The following RSU1 variants were observed in gnomAD, a reference collection of about 807,000 sequenced individuals.
RSU1 encodes the protein Ras suppressor protein 1.
A neutral mutation model predicts 31.1 loss-of-function variants in RSU1; 26 were observed. That is an observed-to-expected ratio of 0.84 (90% CI 0.61 to 1.16). RSU1 has a LOEUF of 1.16. Among genes scored for constraint, RSU1 ranks in the 50% most tolerant of loss-of-function variants. The pLI is 0.00. For missense variants in RSU1, 320 were observed against 339.1 expected, an observed-to-expected ratio of 0.94 and a Z score of 0.44; for synonymous variants, 164 against 136.3, an observed-to-expected ratio of 1.20 and a Z score of -1.41.
intron 2 of RSU1, among the ~76,000 whole-genome samples, chr10:16,809,178 A>G (rs891555169): frequency 2.0e-5 from 3 of 152,192 alleles, no homozygotes; most frequent in Non-Finnish European, 4.4e-5. Flanking sequence ...TAAGCATCAC[A>G]CGCTGATGGA....
chr10:16,815,619 T>G (rs560500076), intron 2 of RSU1, among the ~76,000 whole-genome samples: 1 of 152,156 alleles, frequency 6.6e-6, no homozygotes, highest in East Asian at 1.9e-4. Flanking sequence ...AATGCAAGCA[T>G]GAATATTGCA....
At chr10:16,679,761 C>T (rs923694794) in intron 8 of RSU1, among the ~76,000 whole-genome samples, 1 of 152,030 alleles carries the variant, frequency 6.6e-6, no homozygotes, top group African/African-American at 2.4e-5. Flanking sequence ...TCCCACGTGG[C>T]CCACCATCAC....
intron 8 of RSU1, among the ~76,000 whole-genome samples, chr10:16,692,510 A>G (rs755740076): frequency 3.9e-5 from 6 of 152,190 alleles, no homozygotes; most frequent in Non-Finnish European, 8.8e-5. Context: ...ATTTTTCTGT[A>G]TACTATCATA....
At chr10:16,799,473 G>A (rs1393608825) in intron 2 of RSU1, among the ~76,000 whole-genome samples, 2 of 152,010 alleles carry the variant, frequency 1.3e-5, no homozygotes, top group African/African-American at 4.8e-5. Context: ...CGAATTGCCA[G>A]AGACTGAGTG....
At chr10:16,730,125 C>G (rs72771308) in intron 7 of RSU1, among the ~76,000 whole-genome samples, 2 of 151,954 alleles carry the variant, frequency 1.3e-5, no homozygotes, top group African/African-American at 2.4e-5. Context: ...GAGGGCAAGA[C>G]GGAAGGGAGG....
intron 8 of RSU1, among the ~76,000 whole-genome samples, chr10:16,662,988 A>AAC (rs1554764616): frequency 0.014 from 2,194 of 151,860 alleles, 58 homozygotes; most frequent in African/African-American, 0.05. Context: ...AAAAAAAAAA[A>AAC]ACCCTCTAAG....
At chr10:16,677,689 A>C (rs1588709827) in intron 8 of RSU1, among the ~76,000 whole-genome samples, 1 of 152,210 alleles carries the variant, frequency 6.6e-6, no homozygotes, top group African/African-American at 2.4e-5. Context: ...TGTCTCAACT[A>C]AACTTAGAAA....
At chr10:16,762,918 G>A (rs1264767899) in intron 4 of RSU1, among the ~76,000 whole-genome samples, 2 of 151,698 alleles carry the variant, frequency 1.3e-5, no homozygotes, top group Non-Finnish European at 1.5e-5. Flanking sequence ...GACGCTGAGG[G>A]AGGAGAATCG....
intron 8 of RSU1, among the ~76,000 whole-genome samples, chr10:16,684,672 G>T (rs1024045595): frequency 6.6e-6 from 1 of 152,068 alleles, no homozygotes; most frequent in African/African-American, 2.4e-5. Context: ...TGGGACTTCC[G>T]GCCTCTAGAA....
At chr10:16,789,387 T>A (rs140291119) in intron 2 of RSU1, among the ~76,000 whole-genome samples, 6 of 152,196 alleles carry the variant, frequency 3.9e-5, no homozygotes, top group Non-Finnish European at 5.9e-5. Flanking sequence ...GAAAAATATT[T>A]AGGGCAACAA....
chr10:16,804,298 C>G (rs1247044543), intron 2 of RSU1, among the ~76,000 whole-genome samples: 2 of 152,124 alleles, frequency 1.3e-5, no homozygotes, highest in Non-Finnish European at 2.9e-5. Flanking sequence ...TGGCTAAAAT[C>G]CAAAACACCA....
At chr10:16,718,859 T>G (rs1836197302) in intron 7 of RSU1, among the ~76,000 whole-genome samples, 1 of 151,546 alleles carries the variant, frequency 6.6e-6, no homozygotes, top group Non-Finnish European at 1.5e-5. Flanking sequence ...CGGACACATG[T>G]AATCCCAGCT....
chr10:16,617,378 A>T (rs1370185040), intron 8 of RSU1, among the ~76,000 whole-genome samples: 1 of 152,222 alleles, frequency 6.6e-6, no homozygotes, highest in Non-Finnish European at 1.5e-5. Flanking sequence ...CATGGATGGG[A>T]AGAATCAATA....
At chr10:16,737,954 A>G (rs551995365) in intron 7 of RSU1, among the ~76,000 whole-genome samples, 1 of 152,358 alleles carries the variant, frequency 6.6e-6, no homozygotes, top group Non-Finnish European at 1.5e-5. Flanking sequence ...TGATCAGGAC[A>G]TAATTTAAAT....
rs79251379 is a variant in RSU1 at position 16,728,129 on chromosome 10, T to A, written c.598+24410A>T. Among the ~76,000 whole-genome samples, 406 of 152,292 alleles carry A rather than the reference T, an allele frequency of 2.7e-3. 3 individuals carry two copies. The East Asian group carries it at 0.044, about 17-fold the overall frequency. ...ATTTGGGTGGTTGACATTTTAGTGT[T>A]ATTTCTGGACATGACATCTTTGGTT... On this transcript the variant is annotated intron_variant, in intron 7 of 8. Transcript: ENST00000345264.
chr10:16,629,932 A>G (rs1056230959), intron 8 of RSU1, among the ~76,000 whole-genome samples: 2 of 152,218 alleles, frequency 1.3e-5, no homozygotes, highest in African/African-American at 4.8e-5. Context: ...TTATACTGTT[A>G]TAACAGCCAC....
chr10:16,650,987 C>G (rs1033524073), intron 8 of RSU1, among the ~76,000 whole-genome samples: 1 of 152,054 alleles, frequency 6.6e-6, no homozygotes, highest in Non-Finnish European at 1.5e-5. Context: ...AATTTACGAA[C>G]AAAAATGTGG....
At chr10:16,742,477 C>T (rs1001803403) in intron 7 of RSU1, among the ~76,000 whole-genome samples, 10 of 150,916 alleles carry the variant, frequency 6.6e-5, no homozygotes, top group Admixed American at 2.0e-4. Context: ...TATAACCTTG[C>T]TTTTTTTTTC....
At chr10:16,594,259 C>T (rs1215853693) in intron 8 of RSU1, among the ~76,000 whole-genome samples, 3 of 152,158 alleles carry the variant, frequency 2.0e-5, no homozygotes, top group Non-Finnish European at 2.9e-5. Flanking sequence ...AGGGCATACC[C>T]GGCTCCACAG....
Sources: allele counts gnomAD v4.1 joint callset (sites outside exome capture counted in the v4.1 genomes callset), GRCh38; gene constraint gnomAD v4.1.1; transcripts MANE v1.5; gene names NCBI Gene and HGNC (gene_info 2026-07-23, HGNC 2026-07-21).